The following PPP1R9B variants were observed in gnomAD, a reference collection of about 807,000 sequenced individuals.
PPP1R9B encodes protein phosphatase 1 regulatory subunit 9B.
PPP1R9B carries 17 observed loss-of-function variants against 75.8 expected under a neutral mutation model. The observed-to-expected ratio is 0.22, with a 90% CI of 0.15 to 0.34. The LOEUF (loss-of-function observed/expected upper bound fraction) is 0.34, where lower values mean the gene tolerates loss of function less well. Among genes scored for constraint, PPP1R9B ranks in the 10% least tolerant of loss-of-function variants. PPP1R9B has a pLI of 1.00. For missense variants in PPP1R9B, 875 were observed against 1,196.0 expected (o/e 0.73, Z 3.96); for synonymous variants, 509 against 535.4 (o/e 0.95, Z 0.68).
At chr17:50,137,125 C>G (rs78832434) in intron 7 of PPP1R9B, among the ~76,000 whole-genome samples, 6,819 of 152,132 alleles carry the variant, frequency 0.045, 244 homozygotes, top group Admixed American at 0.12. Flanking sequence ...ATCTACCCTC[C>G]TGCTTGCCTA....
At chr17:50,143,862 T>C (rs1346635536) in intron 2 of PPP1R9B, 144 bp from the exon 3 acceptor site, 1 of 1,215,104 alleles carries the variant, frequency 8.2e-7, no homozygotes. Flanking sequence ...GATATAGTTC[T>C]GTCCACCGTC....
rs772902968 is a variant in PPP1R9B, at chr17:50,143,668, T to C, written c.1555A>G (p.Met519Val). ...AAGATACCCAGCTTCTCCAGGCCCATGTCTGCCCCGGCGCCCATGCCGATG... is the reference window on the plus strand; with the variant it reads ...AAGATACCCAGCTTCTCCAGGCCCACGTCTGCCCCGGCGCCCATGCCGATG... ...SIIGMGAGADMGLEKLGIFVK... is the reference protein window; with the variant it reads ...SIIGMGAGADVGLEKLGIFVK... Residue 519 changes from methionine to valine, a missense_variant, in exon 3 of 10, where the codon ATG (methionine) becomes GTG (valine). Transcript: ENST00000612501. 4 of 1,614,026 alleles carry C rather than the reference T, an allele frequency of 2.5e-6. No homozygotes were observed. The highest frequency in any genetic ancestry group is 3.4e-6 in the Non-Finnish European group (4 of 1,179,880).
chr17:50,139,716 T>C lies in PPP1R9B; in HGVS notation c.1867-135A>G. The C allele has an allele frequency of 9.7e-7, 1 of 1,036,006 alleles. No homozygotes were observed. 64.2% of individuals were successfully genotyped at this position (1,036,006 alleles called of 1,614,324 possible). A position where few individuals can be genotyped will look rare whatever the true frequency, so the allele number is the denominator to read the frequency against. ...GTGGTTCATGCCTCCCACTTCAGCC[T>C]GAGGCTGGACCAGAGACACGGTTTA... is the stretch of plus-strand genomic sequence containing the variant. On this transcript the variant is annotated intron_variant, in intron 5 of 9. Coordinates refer to ENST00000612501, the MANE Select transcript of PPP1R9B (RefSeq NM_032595.5). The surrounding 1 kb of genome is among the most constrained non-coding windows in gnomAD (Gnocchi z 5.0).
Position 50,139,300 on chromosome 17 carries a change from G to A in PPP1R9B, c.2036C>T (p.Ala679Val), listed in dbSNP as rs1351060261. The change falls in exon 7 of 10, where the codon GCG becomes GTG. Residue 679 changes from alanine (A) to valine (V), a missense_variant. Physicochemically the swap from Ala to Val is moderately conservative, Grantham distance 64 (BLOSUM62 0). Around this residue, in one of 4 missense-constraint regions of PPP1R9B, gnomAD observed 218 missense variants for 334.6 expected, o/e 0.65. Coordinates refer to ENST00000612501, the MANE Select transcript of PPP1R9B (RefSeq NM_032595.5). The surrounding 1 kb of genome is among the most constrained non-coding windows in gnomAD (Gnocchi z 5.0). ...CTGCTGGATCTCTGCCTCAGTGACC[G>A]CATGCTTGATCTGGAGCTGTTGGGC... Reference protein sequence around the residue: ...HKFKELQIKHAVTEAEIQQLK... With the variant: ...HKFKELQIKHVVTEAEIQQLK... 4 of 1,613,866 alleles carry A rather than the reference G, an allele frequency of 2.5e-6. No individual in the cohort carries two copies. The highest frequency in any genetic ancestry group is 1.3e-5 in the African/African-American group (1 of 74,936).
Position 50,150,085 on chromosome 17 carries a change from C to T in PPP1R9B, c.429G>A (p.Arg143=). 1.4e-6 allele frequency: 2 copies of T among 1,414,048 alleles called. No individual in the cohort carries two copies. Among genetic ancestry groups the T allele is most frequent in the African/African-American group, 1.5e-5 (1 of 66,872 alleles). The allele number at this position is 1,414,048 out of a possible 1,614,324, so 87.6% of individuals were successfully genotyped here. ...QPAPPPHPPS[R]LQETRKLFER... is the part of the protein sequence containing the mutation. ...CGAACAGCTTCCGCGTCTCCTGCAGCCGGGACGGCGGGTGCGGCGGCGGCG... is the reference window on the plus strand; with the variant it reads ...CGAACAGCTTCCGCGTCTCCTGCAGTCGGGACGGCGGGTGCGGCGGCGGCG... Residue 143 remains arginine (R), a synonymous_variant, in exon 1 of 10, where the codon CGG becomes CGA. Coordinates refer to ENST00000612501, the MANE Select transcript of PPP1R9B (RefSeq NM_032595.5). This position sits in a 1 kb window ranked among gnomAD's most constrained non-coding sequence, Gnocchi z 8.7.
intron 9 of PPP1R9B, 43 bp from the exon 10 acceptor site, chr17:50,135,427 G>C (rs1350212165): frequency 1.2e-5 from 19 of 1,597,716 alleles, no homozygotes; most frequent in Non-Finnish European, 1.6e-5. Context: ...TGGACACCAG[G>C]CATGATCCCA....
At chr17:50,135,912 C>T (rs1308579804) in intron 8 of PPP1R9B, 56 bp downstream of exon 8, 6 of 1,358,960 alleles carry the variant, frequency 4.4e-6, no homozygotes, top group Non-Finnish European at 6.1e-6. Flanking sequence ...AGGGACTGTC[C>T]CCAAAAGCCT....
At chr17:50,143,544 G>A (rs1912440550) in intron 3 of PPP1R9B, 54 bp downstream of exon 3, 1 of 1,606,718 alleles carries the variant, frequency 6.2e-7, no homozygotes, top group Non-Finnish European at 8.5e-7. Context: ...CCCCACCAAG[G>A]ATGGCCGGTC....
intron 1 of PPP1R9B, among the ~76,000 whole-genome samples, chr17:50,148,813 G>A (rs1191118571): frequency 6.6e-6 from 1 of 152,228 alleles, no homozygotes; most frequent in African/African-American, 2.4e-5. Context: ...AGCCTCTGGA[G>A]GAAGGAATGT....
Position 50,149,861 on chromosome 17 carries a change from G to A in PPP1R9B, c.653C>T (p.Ala218Val). The A allele has an allele frequency of 2.0e-6, 3 of 1,491,258 alleles. No homozygotes were observed. Among genetic ancestry groups the A allele is most frequent in the Admixed American group, 2.2e-5 (1 of 45,126 alleles). The allele number at this position is 1,491,258 out of a possible 1,614,324, so 92.4% of individuals were successfully genotyped here. A position where few individuals can be genotyped will look rare whatever the true frequency, so the allele number is the denominator to read the frequency against. Residue 218 changes from alanine (A) to valine (V), a missense_variant, in exon 1 of 10, where the codon GCC (alanine) becomes GTC (valine). By Grantham distance (64) the Ala-to-Val change is moderately conservative (BLOSUM62 0). Around this residue, in one of 4 missense-constraint regions of PPP1R9B, gnomAD observed 449 missense variants for 475.0 expected, o/e 0.95. Transcript: ENST00000612501. The surrounding 1 kb of genome is among the most constrained non-coding windows in gnomAD (Gnocchi z 7.2). Reference protein sequence around the residue: ...VSQLSAVFEKADSRTGLHRGP... With the variant: ...VSQLSAVFEKVDSRTGLHRGP... ...GCGGTGGAGGCCGGTCCTCGAGTCG[G>A]CCTTCTCGAAGACGGCGCTGAGCTG...
At chr17:50,146,814 C>T (rs1912529160) in intron 1 of PPP1R9B, among the ~76,000 whole-genome samples, 1 of 152,218 alleles carries the variant, frequency 6.6e-6, no homozygotes, top group Non-Finnish European at 1.5e-5. Flanking sequence ...CAGAATGAGA[C>T]TGCACCCAGC....
intron 8 of PPP1R9B, 23 bp from the exon 9 acceptor site, chr17:50,135,672 T>C (rs1305867323): frequency 1.3e-6 from 2 of 1,577,162 alleles, no homozygotes; most frequent in Admixed American, 1.8e-5. Context: ...AAGGGACAGA[T>C]GGCAGGTAAG....
At chr17:50,140,281 T>A (rs1421756963) in intron 4 of PPP1R9B, 53 bp from the exon 5 acceptor site, 3 of 1,547,364 alleles carry the variant, frequency 1.9e-6, no homozygotes, top group Non-Finnish European at 2.6e-6. Flanking sequence ...AGGTAATGCA[T>A]CATCCTCCCT....
intron 3 of PPP1R9B, among the ~76,000 whole-genome samples, 165 bp downstream of exon 3, chr17:50,143,433 A>G (rs1447302267): frequency 6.6e-6 from 1 of 152,184 alleles, no homozygotes; most frequent in Admixed American, 6.5e-5. Context: ...TGGGGCCTGG[A>G]ACAGCACCTG....
At position 50,149,128 on chromosome 17, in the gene PPP1R9B, G is replaced by T. The variant is rs754948998; in HGVS notation, c.1371+15C>A. The T allele has an allele frequency of 7.0e-6, 10 of 1,423,178 alleles. No homozygotes were observed. In the African/African-American group the frequency reaches 1.2e-4, roughly 17 times the overall value. 88.2% of individuals were successfully genotyped at this position (1,423,178 alleles called of 1,614,324 possible). On this transcript the variant is annotated intron_variant, in intron 1 of 9. Coordinates refer to ENST00000612501, the MANE Select transcript of PPP1R9B (RefSeq NM_032595.5). The surrounding 1 kb of genome is among the most constrained non-coding windows in gnomAD (Gnocchi z 7.2). The stretch of plus-strand genomic sequence containing the variant: ...GCAGGGGCGGCGCGGGGGCAGGGCG[G>T]GGGGGCTCACTTACTTGGATGGGCG...
chr17:50,137,504 C>T (rs1213561079), intron 7 of PPP1R9B: 1 of 152,834 alleles, frequency 6.5e-6, no homozygotes. Flanking sequence ...CATGGCCTGT[C>T]ACTCTGACCC....
intron 7 of PPP1R9B, among the ~76,000 whole-genome samples, chr17:50,136,612 G>C (rs1440366448): frequency 1.3e-5 from 2 of 152,078 alleles, no homozygotes; most frequent in Non-Finnish European, 2.9e-5. Context: ...ATTACTCTCT[G>C]TCCCCTCTCT....
intron 7 of PPP1R9B, among the ~76,000 whole-genome samples, chr17:50,137,119 ACCCT>A (rs1912251956): frequency 6.7e-6 from 1 of 149,922 alleles, no homozygotes; most frequent in Non-Finnish European, 1.5e-5. Context: ...TCCCCCATCT[ACCCT>A]CCTGCTTGCC....
chr17:50,136,738 C>T (rs1156647653), intron 7 of PPP1R9B, among the ~76,000 whole-genome samples: 5 of 151,328 alleles, frequency 3.3e-5, no homozygotes, highest in Admixed American at 1.3e-4. Flanking sequence ...AGCTCAGTTC[C>T]GGATCCTCTG....
Sources: allele counts gnomAD v4.1 joint callset (sites outside exome capture counted in the v4.1 genomes callset), GRCh38; gene constraint gnomAD v4.1.1; regional missense constraint gnomAD v4.1.1; non-coding constraint Gnocchi (gnomAD v3.1); transcripts MANE v1.5; gene names NCBI Gene and HGNC (gene_info 2026-07-23, HGNC 2026-07-21).